Variants in ERC1 observed in about 807,000 individuals in gnomAD.
The protein encoded by ERC1 is ELKS/RAB6-interacting/CAST family member 1, also known as RAB6 interacting protein 2.
ERC1 carries 56 observed loss-of-function variants against 132.0 expected under a neutral mutation model. That is an observed-to-expected ratio of 0.42 (90% CI 0.34 to 0.53). The LOEUF (loss-of-function observed/expected upper bound fraction) is 0.53. Ranked by LOEUF, ERC1 falls within the 20% of genes least tolerant of loss-of-function variation. The pLI is 0.03. For synonymous variants in ERC1, 478 were observed against 476.1 expected (o/e 1.00, Z -0.05); for missense variants, 1,202 against 1,349.9 (o/e 0.89, Z 1.72).
intron 17 of ERC1, among the ~76,000 whole-genome samples, chr12:1,440,367 G>T (rs1206622689): frequency 1.3e-5 from 2 of 149,594 alleles, no homozygotes; most frequent in Non-Finnish European, 3.0e-5. Flanking sequence ...ACCACGCCCG[G>T]CTAATTTTTT....
chr12:1,468,329 G>T (rs977113324), intron 18 of ERC1, among the ~76,000 whole-genome samples: 1 of 152,172 alleles, frequency 6.6e-6, no homozygotes, highest in Non-Finnish European at 1.5e-5. Context: ...GGGGCCAGGT[G>T]CAGCGACTCA....
chr12:1,230,004 CTTTTTTTTT>C (rs754220477), intron 12 of ERC1, among the ~76,000 whole-genome samples: 1 of 107,792 alleles, frequency 9.3e-6, no homozygotes, highest in African/African-American at 3.9e-5. Context: ...CTTTTTGACT[CTTTTTTTTT>C]TTTTTTTTTT....
intron 16 of ERC1, among the ~76,000 whole-genome samples, chr12:1,398,930 CTTTTTTTTTTTT>C (rs1162145460): frequency 1.2e-4 from 11 of 93,902 alleles, no homozygotes; most frequent in Admixed American, 5.9e-4. Context: ...TTTTCTCCTA[CTTTTTTTTTTTT>C]TTTTTTTTTT....
chr12:1,452,065 G>A (rs887036292), intron 18 of ERC1, among the ~76,000 whole-genome samples: 1 of 152,166 alleles, frequency 6.6e-6, no homozygotes, highest in Non-Finnish European at 1.5e-5. Context: ...CTGGCTTCCA[G>A]AACTGTGAGA....
chr12:1,356,212 A>AGTTGTGTG (rs1489476709), intron 15 of ERC1, among the ~76,000 whole-genome samples: 1 of 119,060 alleles, frequency 8.4e-6, no homozygotes, highest in African/African-American at 3.3e-5. Flanking sequence ...AAAAAAAAAA[A>AGTTGTGTG]AGTGTGTGTG....
chr12:1,379,225 G>C (rs945347125), intron 16 of ERC1, among the ~76,000 whole-genome samples: 1 of 152,132 alleles, frequency 6.6e-6, no homozygotes, highest in Non-Finnish European at 1.5e-5. Context: ...CCCACCTTCA[G>C]CACTTTAACT....
chr12:1,430,118 G>A (rs1055476077), intron 17 of ERC1, among the ~76,000 whole-genome samples: 3 of 152,156 alleles, frequency 2.0e-5, no homozygotes, highest in Non-Finnish European at 2.9e-5. Context: ...GGAACCTTCC[G>A]TTCCTTGCCA....
chr12:1,440,491 C>T (rs1230449967), intron 17 of ERC1, among the ~76,000 whole-genome samples: 5 of 149,174 alleles, frequency 3.4e-5, no homozygotes, highest in Admixed American at 6.6e-5. Flanking sequence ...CAGGTGTGAG[C>T]CACCGCGCCC....
chr12:1,182,665 T>TTTA (rs1222648462), intron 10 of ERC1, among the ~76,000 whole-genome samples: 1 of 151,968 alleles, frequency 6.6e-6, no homozygotes, highest in South Asian at 2.1e-4. Flanking sequence ...ATGTGATTTT[T>TTTA]TTTTTTTCTT....
intron 2 of ERC1, among the ~76,000 whole-genome samples, chr12:1,039,527 CA>C (rs762426789): frequency 1.3e-3 from 173 of 128,226 alleles, no homozygotes; most frequent in Middle Eastern, 3.9e-3. Flanking sequence ...AAGAGTCTGT[CA>C]AAAAAAAAAA....
At chr12:1,049,865 G>A (rs1453166880) in intron 2 of ERC1, among the ~76,000 whole-genome samples, 1 of 148,804 alleles carries the variant, frequency 6.7e-6, no homozygotes, top group Non-Finnish European at 1.5e-5. Context: ...CGATTCTCCT[G>A]TCTCAGCCTC....
intron 15 of ERC1, among the ~76,000 whole-genome samples, chr12:1,347,852 G>A (rs933348807): frequency 1.4e-4 from 21 of 152,104 alleles, no homozygotes; most frequent in African/African-American, 4.1e-4. Context: ...GGGTGGTGGC[G>A]CATGCCTATA....
chr12:1,273,678 C>T (rs764711566), intron 14 of ERC1, among the ~76,000 whole-genome samples: 1 of 152,050 alleles, frequency 6.6e-6, no homozygotes, highest in Non-Finnish European at 1.5e-5. Flanking sequence ...GCCATATCTG[C>T]CTAGTGGCTA....
chr12:1,392,770 CT>C (rs1201916626), intron 16 of ERC1, among the ~76,000 whole-genome samples: 2 of 152,244 alleles, frequency 1.3e-5, no homozygotes, highest in East Asian at 3.9e-4. Context: ...TAATTAACAA[CT>C]TTTTTTAGAA....
chr12:1,085,748 A>G (rs77055848), intron 3 of ERC1, among the ~76,000 whole-genome samples: 8 of 3,062 alleles, frequency 2.6e-3, no homozygotes, highest in Admixed American at 6.8e-3. Flanking sequence ...TGCCTGGCCC[A>G]TTATTATTAT....
At chr12:1,044,591 T>C (rs559622539) in intron 2 of ERC1, among the ~76,000 whole-genome samples, 1 of 152,318 alleles carries the variant, frequency 6.6e-6, no homozygotes, top group African/African-American at 2.4e-5. Context: ...CCTGACATAA[T>C]AGGTATGCAG....
chr12:1,344,149 C>G (rs746876968), intron 15 of ERC1, among the ~76,000 whole-genome samples: 2 of 152,202 alleles, frequency 1.3e-5, no homozygotes, highest in African/African-American at 4.8e-5. Context: ...CCTGTAAAAA[C>G]ATTTTCATCT....
At chr12:1,187,742 A>C (rs1458515690) in intron 11 of ERC1, among the ~76,000 whole-genome samples, 1 of 152,214 alleles carries the variant, frequency 6.6e-6, no homozygotes, top group Non-Finnish European at 1.5e-5. Context: ...TTTTCTACAA[A>C]TAATTGAGTT....
intron 12 of ERC1, among the ~76,000 whole-genome samples, chr12:1,196,932 AC>A: frequency 2.6e-5 from 1 of 39,010 alleles, no homozygotes; most frequent in African/African-American, 2.9e-4. Context: ...ACACACACAC[AC>A]ACACACACAC....
Sources: allele counts gnomAD v4.1 joint callset (sites outside exome capture counted in the v4.1 genomes callset), GRCh38; gene constraint gnomAD v4.1.1; transcripts MANE v1.5; gene names NCBI Gene and HGNC (gene_info 2026-07-23, HGNC 2026-07-21).